The following ARHGAP10 variants were observed in gnomAD, a reference collection of about 807,000 sequenced individuals.
ARHGAP10 encodes the protein rho GTPase-activating protein 10.
A neutral mutation model predicts 108.6 loss-of-function variants in ARHGAP10; 87 were observed. The ratio of observed to expected loss-of-function variants is 0.80; its 90% CI spans 0.67 to 0.96. ARHGAP10 has a LOEUF of 0.96. Among genes scored for constraint, ARHGAP10 ranks in the 40% least tolerant of loss-of-function variants. The pLI, the probability that ARHGAP10 is intolerant of heterozygous loss-of-function variation, is 0.00. For synonymous variants in ARHGAP10, 347 were observed against 341.1 expected (o/e 1.02, Z -0.19); for missense variants, 939 against 954.5 (o/e 0.98, Z 0.21).
chr4:148,011,230 AT>A (rs1360764584), intron 18 of ARHGAP10, among the ~76,000 whole-genome samples: 3 of 152,218 alleles, frequency 2.0e-5, no homozygotes, highest in South Asian at 2.1e-4. Flanking sequence ...TCACCCCAAA[AT>A]TTAGTGTTTT....
chr4:147,799,296 T>C (rs1349483700), intron 1 of ARHGAP10, among the ~76,000 whole-genome samples: 1 of 152,192 alleles, frequency 6.6e-6, no homozygotes, highest in Non-Finnish European at 1.5e-5. Context: ...TGCTTTGGCC[T>C]TCCTAATGCT....
chr4:148,062,635 G>T (rs1207393282), intron 20 of ARHGAP10, among the ~76,000 whole-genome samples: 1 of 152,182 alleles, frequency 6.6e-6, no homozygotes, highest in Non-Finnish European at 1.5e-5. Context: ...AGTTTTTGCT[G>T]TTCATTGGTT....
At chr4:147,794,083 C>T (rs1056937261) in intron 1 of ARHGAP10, among the ~76,000 whole-genome samples, 4 of 152,092 alleles carry the variant, frequency 2.6e-5, no homozygotes, top group South Asian at 4.1e-4. Context: ...TTTTACCCTT[C>T]GGGAGCTGTA....
At chr4:147,756,474 A>G (rs1322838734) in intron 1 of ARHGAP10, among the ~76,000 whole-genome samples, 3 of 152,244 alleles carry the variant, frequency 2.0e-5, no homozygotes, top group African/African-American at 2.4e-5. Flanking sequence ...GAACTATACC[A>G]TAGTCCCCCT....
chr4:148,028,538 C>T (rs994707718), intron 19 of ARHGAP10, among the ~76,000 whole-genome samples: 1 of 152,166 alleles, frequency 6.6e-6, no homozygotes, highest in African/African-American at 2.4e-5. Context: ...ACATAGTAAG[C>T]ACTCGAACTC....
intron 1 of ARHGAP10, among the ~76,000 whole-genome samples, chr4:147,748,658 T>A (rs989199990): frequency 6.6e-6 from 1 of 152,208 alleles, no homozygotes; most frequent in East Asian, 1.9e-4. Context: ...CATCAAGATA[T>A]GTACATTAAA....
At chr4:147,753,290 C>T (rs1216062724) in intron 1 of ARHGAP10, among the ~76,000 whole-genome samples, 1 of 152,126 alleles carries the variant, frequency 6.6e-6, no homozygotes, top group East Asian at 1.9e-4. Context: ...TCTGCTCTGT[C>T]CTGTCAGTTC....
At chr4:148,049,847 CGGGGGGCGGGGGGT>C (rs1729051808) in intron 20 of ARHGAP10, among the ~76,000 whole-genome samples, 1 of 13,248 alleles carries the variant, frequency 7.5e-5, no homozygotes, top group Admixed American at 8.4e-4. Context: ...GGGCGGGGGG[CGGGGGGCGGGGGGT>C]GGTGGTGGCG....
intron 21 of ARHGAP10, 136 bp downstream of exon 21, chr4:148,063,436 C>A: frequency 8.5e-7 from 1 of 1,181,562 alleles, no homozygotes; most frequent in Non-Finnish European, 1.2e-6. Context: ...TCATGGACAG[C>A]ACTTACCACC....
chr4:147,797,395 C>T (rs1731358959), intron 1 of ARHGAP10, among the ~76,000 whole-genome samples: 1 of 151,954 alleles, frequency 6.6e-6, no homozygotes, highest in African/African-American at 2.4e-5. Flanking sequence ...TTCTCATGGT[C>T]CAACGTACCC....
At chr4:147,907,837 T>C (rs928445706) in intron 11 of ARHGAP10, among the ~76,000 whole-genome samples, 2 of 152,190 alleles carry the variant, frequency 1.3e-5, no homozygotes, top group African/African-American at 4.8e-5. Context: ...ATTTAGCCTC[T>C]GTAGTTTTAC....
At chr4:147,832,646 C>CAAAAAAAAA (rs776184630) in intron 3 of ARHGAP10, among the ~76,000 whole-genome samples, 45,583 of 62,616 alleles carry the variant, frequency 0.73, 18,334 homozygotes, top group East Asian at 0.87. Context: ...GACTCTGTCT[C>CAAAAAAAAA]AAAAAAAAAA....
At chr4:147,822,671 T>C in intron 1 of ARHGAP10, 56 bp from the exon 2 acceptor site, 1 of 1,526,382 alleles carries the variant, frequency 6.6e-7, no homozygotes, top group East Asian at 2.3e-5. Flanking sequence ...AATAAATTTC[T>C]TTTATGCTTT....
chr4:147,744,574 A>G (rs754844612), intron 1 of ARHGAP10, among the ~76,000 whole-genome samples: 37 of 152,064 alleles, frequency 2.4e-4, no homozygotes, highest in Non-Finnish European at 4.9e-4. Context: ...TCAGTCATCC[A>G]GGCCAGAGAC....
At chr4:147,875,992 G>C (rs1735042591) in intron 8 of ARHGAP10, among the ~76,000 whole-genome samples, 1 of 152,196 alleles carries the variant, frequency 6.6e-6, no homozygotes, top group South Asian at 2.1e-4. Flanking sequence ...ACTGTGATTA[G>C]GGTGTTTTAC....
chr4:147,839,276 A>G (rs1044069927), intron 3 of ARHGAP10, among the ~76,000 whole-genome samples: 2 of 152,188 alleles, frequency 1.3e-5, no homozygotes, highest in Non-Finnish European at 2.9e-5. Flanking sequence ...GGAAAACAGA[A>G]TTTTCCCTTT....
chr4:147,853,212 A>G (rs1733946519), intron 4 of ARHGAP10, among the ~76,000 whole-genome samples: 1 of 152,282 alleles, frequency 6.6e-6, no homozygotes, highest in Non-Finnish European at 1.5e-5. Context: ...GAGATGTGGG[A>G]GGAAATAGTA....
chr4:147,885,715 C>T (rs1030082002), intron 10 of ARHGAP10, among the ~76,000 whole-genome samples: 8 of 152,206 alleles, frequency 5.3e-5, no homozygotes, highest in Non-Finnish European at 8.8e-5. Flanking sequence ...TTCTGGTTCT[C>T]CCTCAGATCT....
intron 1 of ARHGAP10, among the ~76,000 whole-genome samples, chr4:147,787,628 A>G (rs1158432856): frequency 1.3e-5 from 2 of 152,160 alleles, no homozygotes; most frequent in East Asian, 1.9e-4. Flanking sequence ...TTTTGGTCTC[A>G]GCTCTGGAGG....
Sources: gnomAD v4.1 joint callset for allele counts (sites outside exome capture counted in the v4.1 genomes callset) on GRCh38, gnomAD v4.1.1 for gene constraint, MANE v1.5 for transcripts, NCBI Gene and HGNC (gene_info 2026-07-23, HGNC 2026-07-21) for gene names.